The following SP7 variants were observed in gnomAD, a reference collection of about 807,000 sequenced individuals.
SP7 encodes the protein transcription factor Sp7.
SP7 carries 13 observed loss-of-function variants against 27.9 expected under a neutral mutation model. The ratio of observed to expected loss-of-function variants is 0.47; its 90% confidence interval spans 0.30 to 0.74. SP7 has a LOEUF of 0.74. Among genes scored for constraint, SP7 ranks in the 30% least tolerant of loss-of-function variants. The pLI is 0.06. For missense variants in SP7, 525 were observed against 558.0 expected, an observed-to-expected ratio of 0.94 and a Z score of 0.60; for synonymous variants, 219 against 226.7, an observed-to-expected ratio of 0.97 and a Z score of 0.31.
intron 1 of SP7, among the ~76,000 whole-genome samples, chr12:53,342,751 G>A (rs1944834844): frequency 6.6e-6 from 1 of 151,380 alleles, no homozygotes; most frequent in South Asian, 2.1e-4. Context: ...GGAGGCGGGG[G>A]TTGCAGTGAG....
chr12:53,339,844 T>C (rs79502533), upstream of SP7, among the ~76,000 whole-genome samples: 284 of 152,078 alleles, frequency 1.9e-3, 8 homozygotes, highest in East Asian at 0.041. Flanking sequence ...CTTTCTAGGC[T>C]GGGCTGTCTC....
At chr12:53,337,696 G>A (rs970938011), upstream of SP7, among the ~76,000 whole-genome samples, 24 of 152,144 alleles carry the variant, frequency 1.6e-4, no homozygotes, top group African/African-American at 5.8e-4. Context: ...GAGGTCCACG[G>A]AGGGTTGCAC....
intron 2 of SP7, among the ~76,000 whole-genome samples, chr12:53,330,780 G>C (rs964639457): frequency 1.3e-5 from 2 of 152,296 alleles, no homozygotes; most frequent in East Asian, 1.9e-4. Flanking sequence ...TCCTGACTAA[G>C]GCAGTGGTCT....
In SP7 at chr12:53,326,743, G is replaced by A. The variant is rs943901841; in HGVS notation, c.*1403C>T. On this transcript the variant is annotated 3_prime_UTR_variant, in exon 3 of 3. Coordinates refer to ENST00000536324, the MANE Select transcript of SP7 (RefSeq NM_001173467.3). ...AAGGAGGATCCAACGTTACAGGAAA[G>A]GCACGAAGCGGCTTTAAAAGTCACT... The A allele has an allele frequency of 6.6e-6, 1 of 152,620 alleles. No homozygotes were observed. The highest frequency in any genetic ancestry group is 1.5e-5 in the Non-Finnish European group (1 of 68,052). 9.5% of individuals were successfully genotyped at this position (152,620 alleles called of 1,614,324 possible). A position where few individuals can be genotyped will look rare whatever the true frequency, so the allele number is the denominator to read the frequency against.
At chr12:53,342,132 G>A (rs1474183198) in intron 1 of SP7, among the ~76,000 whole-genome samples, 7 of 151,396 alleles carry the variant, frequency 4.6e-5, no homozygotes, top group African/African-American at 9.7e-5. Flanking sequence ...GTGTGGTGGC[G>A]CGTGCCTGTA....
intron 1 of SP7, among the ~76,000 whole-genome samples, chr12:53,342,211 C>T (rs1565795623): frequency 6.6e-6 from 1 of 151,902 alleles, no homozygotes; most frequent in Non-Finnish European, 1.5e-5. Context: ...TGCAGTGAGC[C>T]GAGATTGTGC....
chr12:53,339,478 C>A (rs189414364), upstream of SP7, among the ~76,000 whole-genome samples: 4 of 149,904 alleles, frequency 2.7e-5, no homozygotes, highest in African/African-American at 9.8e-5. Flanking sequence ...GTAATCCCAG[C>A]GCTTTGGGAG....
chr12:53,338,350 A>G (rs1332178252), upstream of SP7, among the ~76,000 whole-genome samples: 1 of 152,158 alleles, frequency 6.6e-6, no homozygotes, highest in Non-Finnish European at 1.5e-5. Flanking sequence ...AGAAGTTGAG[A>G]AAGAGAAGCT....
chr12:53,337,773 A>G (rs1944784840), upstream of SP7, among the ~76,000 whole-genome samples: 1 of 152,124 alleles, frequency 6.6e-6, no homozygotes, highest in African/African-American at 2.4e-5. Flanking sequence ...TTCTAGCCCC[A>G]TGATTTGATT....
chr12:53,330,035 TTTC>T (rs1944686249), intron 2 of SP7, among the ~76,000 whole-genome samples: 1 of 151,914 alleles, frequency 6.6e-6, no homozygotes, highest in Non-Finnish European at 1.5e-5. Context: ...CGCCCGGCCT[TTTC>T]TTTTTATTTA....
At position 53,334,049 on chromosome 12, in the gene SP7, C is replaced by T. The variant is rs371115493; in HGVS notation, c.21+1577G>A. Among the ~76,000 whole-genome samples, 9 of 152,324 alleles carry T rather than the reference C, an allele frequency of 5.9e-5. No homozygotes were observed. In the East Asian group the frequency reaches 1.5e-3, roughly 26 times the overall value. On this transcript the variant is annotated intron_variant, in intron 2 of 2. Coordinates refer to ENST00000536324, the MANE Select transcript of SP7 (RefSeq NM_001173467.3). ...CCCACGCCCACTGACACTGTCCCTG[C>T]CCTGGGTGGACCCAGGATTTCCATG...
Position 53,328,168 on chromosome 12 carries a change from TGCTCAGGGCTGCCTCCAG to T in SP7, c.1256_1273del (p.Pro419_Glu424del). 3.1e-6 allele frequency: 5 copies of T among 1,612,178 alleles called. No individual in the cohort carries two copies. Among genetic ancestry groups the T allele is most frequent in the Non-Finnish European group, 4.2e-6 (5 of 1,179,444 alleles). On this transcript the variant is annotated inframe_deletion, in exon 3 of 3. Transcript: ENST00000536324. This position sits in a 1 kb window ranked among gnomAD's most constrained non-coding sequence, Gnocchi z 5.1. Reference sequence around the variant, plus strand: ...GGCTCAGATCTCCAGCAAGTTGCTCTGCTCAGGGCTGCCTCCAGGGGCTTTCTCTGGGGTTGCTGGCGA... The same window carrying T: ...GGCTCAGATCTCCAGCAAGTTGCTCTGGGCTTTCTCTGGGGTTGCTGGCGA...
chr12:53,340,063 T>C (rs1944809114), upstream of SP7, among the ~76,000 whole-genome samples: 2 of 152,158 alleles, frequency 1.3e-5, no homozygotes, highest in Non-Finnish European at 2.9e-5. Context: ...ACATTTGTAC[T>C]ATGCAGGCAT....
At chr12:53,335,869 G>A (rs184738320) in intron 1 of SP7, 176 bp from the exon 2 acceptor site, 2 of 1,375,102 alleles carry the variant, frequency 1.5e-6, no homozygotes, top group African/African-American at 2.9e-5. Context: ...GATCCAATGA[G>A]GAGGGCGAGA....
upstream of SP7, among the ~76,000 whole-genome samples, chr12:53,337,828 G>A (rs1292513443): frequency 6.6e-6 from 1 of 152,092 alleles, no homozygotes; most frequent in Non-Finnish European, 1.5e-5. Flanking sequence ...GGAAGGGTTT[G>A]GGAACCAGGT....
At chr12:53,343,902 GTGCCAATTTTTGGCACA>G (rs2136856558) in intron 1 of SP7, among the ~76,000 whole-genome samples, 1 of 152,102 alleles carries the variant, frequency 6.6e-6, no homozygotes, top group South Asian at 2.1e-4. Context: ...AAAATTGGCT[GTGCCAATTTTTGGCACA>G]TGCCTGTAAT....
rs141253413 is a variant in SP7 at position 53,341,493 on chromosome 12, TC to T, written c.-34+3620del. On this transcript the variant is annotated intron_variant, in intron 1 of 1. Coordinates refer to the SP7 transcript ENST00000547755. ...AACATTGAATTAAGTAAGAACCTGG[TC>T]ATCTCTAGAAAATGACCCTTTGTAA... 5.8e-3 allele frequency among the ~76,000 whole-genome samples: 889 copies of T among 152,258 alleles called. 10 individuals are homozygous for T. Among genetic ancestry groups the T allele is most frequent in the African/African-American group, 0.019 (789 of 41,546 alleles).
rs756084740 is a variant in SP7 at position 53,329,201 on chromosome 12, G to A, written c.241C>T (p.Pro81Ser). 8.1e-6 allele frequency: 13 copies of A among 1,613,848 alleles called. No individual in the cohort carries two copies. In the East Asian group the frequency reaches 2.9e-4, roughly 36 times the overall value. Residue 81 changes from proline (P) to serine (S), a missense_variant, in exon 3 of 3, where the codon CCT (proline) becomes TCT (serine). Coordinates refer to ENST00000536324, the MANE Select transcript of SP7 (RefSeq NM_001173467.3). ...TNGLLSPAGSPPAPTSGYAND... is the reference protein window; with the variant it reads ...TNGLLSPAGSSPAPTSGYAND... Reference sequence around the variant, plus strand: ...GCATAGCCTGAGGTGGGTGCTGGAGGACTGCCTGCAGGTGAAAGGAGCCCA... The same window carrying A: ...GCATAGCCTGAGGTGGGTGCTGGAGAACTGCCTGCAGGTGAAAGGAGCCCA...
At chr12:53,336,649 G>A (rs571358259), upstream of SP7, among the ~76,000 whole-genome samples, 46 of 152,036 alleles carry the variant, frequency 3.0e-4, 1 homozygote, top group African/African-American at 9.6e-4. Flanking sequence ...CACCACACCC[G>A]CCCCAGCTGA....
Sources: gnomAD v4.1 joint callset for allele counts (sites outside exome capture counted in the v4.1 genomes callset) on GRCh38, gnomAD v4.1.1 for gene constraint, Gnocchi (gnomAD v3.1) non-coding constraint, MANE v1.5 for transcripts, NCBI Gene and HGNC (gene_info 2026-07-23, HGNC 2026-07-21) for gene names.